The following LRP1B variants were observed in gnomAD, a reference collection of about 807,000 sequenced individuals.
The protein encoded by LRP1B is low-density lipoprotein receptor-related protein 1B.
In LRP1B, 217 loss-of-function variants were observed where a neutral mutation model predicts 556.6. The ratio of observed to expected loss-of-function variants is 0.39; its 90% CI spans 0.35 to 0.44. The LOEUF (loss-of-function observed/expected upper bound fraction) is 0.44. Ranked by LOEUF, LRP1B falls within the 20% of genes least tolerant of loss-of-function variation. The pLI, the probability that LRP1B is intolerant of heterozygous loss-of-function variation, is 1.00. For missense variants in LRP1B, 5,053 were observed against 5,620.8 expected (o/e 0.90, Z 3.23); for synonymous variants, 2,047 against 1,865.8 (o/e 1.10, Z -2.50).
intron 86 of LRP1B, among the ~76,000 whole-genome samples, chr2:140,261,427 C>T (rs534218476): frequency 6.6e-6 from 1 of 151,814 alleles, no homozygotes; most frequent in Non-Finnish European, 1.5e-5. Context: ...TATAATATTT[C>T]TAATTCTTAG....
chr2:141,183,424 T>C (rs1681096737), intron 7 of LRP1B, among the ~76,000 whole-genome samples: 1 of 151,420 alleles, frequency 6.6e-6, no homozygotes, highest in South Asian at 2.1e-4. Flanking sequence ...TCTCAGTCAT[T>C]ATTAGCTTCA....
intron 41 of LRP1B, among the ~76,000 whole-genome samples, chr2:140,677,725 A>T (rs1685719127): frequency 6.6e-6 from 1 of 151,486 alleles, no homozygotes; most frequent in African/African-American, 2.4e-5. Context: ...ATACAAAAAA[A>T]ACTAGCCAGG....
At chr2:141,591,065 G>C (rs1574114030) in intron 2 of LRP1B, among the ~76,000 whole-genome samples, 1 of 152,178 alleles carries the variant, frequency 6.6e-6, no homozygotes, top group East Asian at 1.9e-4. Context: ...CCTCCTGACT[G>C]TAATTATGAG....
chr2:141,244,327 C>G (rs889236674), intron 5 of LRP1B, among the ~76,000 whole-genome samples: 5 of 152,142 alleles, frequency 3.3e-5, no homozygotes, highest in Admixed American at 6.6e-5. Context: ...TCCACATATC[C>G]ATTGTCTTGG....
chr2:141,524,272 A>ATATATATATT (rs1436229854), intron 2 of LRP1B, among the ~76,000 whole-genome samples: 19 of 151,302 alleles, frequency 1.3e-4, no homozygotes, highest in Admixed American at 2.6e-4. Flanking sequence ...GAATATATAT[A>ATATATATATT]TATATATAAA....
intron 75 of LRP1B, among the ~76,000 whole-genome samples, chr2:140,355,550 A>AGT (rs1045206875): frequency 2.6e-5 from 4 of 151,976 alleles, no homozygotes; most frequent in African/African-American, 9.7e-5. Flanking sequence ...AAGTAGAATC[A>AGT]TTTTTCTTAA....
At chr2:141,410,914 T>C (rs1312651804) in intron 3 of LRP1B, among the ~76,000 whole-genome samples, 1 of 152,028 alleles carries the variant, frequency 6.6e-6, no homozygotes, top group East Asian at 1.9e-4. Context: ...ATGGTGCTCC[T>C]ATTCTTGCTA....
intron 1 of LRP1B, among the ~76,000 whole-genome samples, chr2:142,127,098 T>TA (rs1355786142): frequency 6.6e-6 from 1 of 151,932 alleles, no homozygotes; most frequent in Non-Finnish European, 1.5e-5. Context: ...TACCTTCACT[T>TA]ACATTTTTAA....
chr2:142,100,777 G>T (rs1327839987), intron 1 of LRP1B, among the ~76,000 whole-genome samples: 1 of 151,972 alleles, frequency 6.6e-6, no homozygotes, highest in Admixed American at 6.6e-5. Context: ...GATTCTTTAA[G>T]ATGATAATAA....
intron 66 of LRP1B, among the ~76,000 whole-genome samples, chr2:140,386,455 G>T (rs1002559608): frequency 6.6e-6 from 1 of 152,028 alleles, no homozygotes; most frequent in Non-Finnish European, 1.5e-5. Context: ...TCTCCCTAAG[G>T]AGCTCTTATT....
intron 60 of LRP1B, 124 bp downstream of exon 60, chr2:140,475,014 T>C (rs1467780672): frequency 5.5e-6 from 2 of 363,170 alleles, no homozygotes; most frequent in Non-Finnish European, 9.1e-6. Flanking sequence ...TATAAAGAAG[T>C]ATAATAATGT....
chr2:141,457,759 G>A (rs1364275682), intron 3 of LRP1B, among the ~76,000 whole-genome samples: 1 of 152,136 alleles, frequency 6.6e-6, no homozygotes, highest in Admixed American at 6.6e-5. Context: ...GGTGGTAACT[G>A]CAGTGGAGAG....
intron 7 of LRP1B, among the ~76,000 whole-genome samples, chr2:141,185,683 C>CAAAAAAAAAAAAAAAAAAAAA (rs148935362): frequency 2.0e-4 from 15 of 74,292 alleles, no homozygotes; most frequent in African/African-American, 5.8e-4. Context: ...GAAAAACAAA[C>CAAAAAAAAAAAAAAAAAAAAA]AAACAAAAAA....
chr2:140,896,080 T>C (rs10194679), intron 23 of LRP1B, among the ~76,000 whole-genome samples: 116,909 of 151,930 alleles, frequency 0.77, 46,620 homozygotes, highest in Non-Finnish European at 0.88. Context: ...TTCTACCCAG[T>C]ATTTCCCTGC....
intron 20 of LRP1B, among the ~76,000 whole-genome samples, chr2:140,946,854 C>T (rs982291909): frequency 6.6e-6 from 1 of 152,046 alleles, no homozygotes; most frequent in Non-Finnish European, 1.5e-5. Context: ...TAAAAAGGAA[C>T]AAATTATGTC....
At chr2:141,190,887 T>A (rs1574174081) in intron 6 of LRP1B, among the ~76,000 whole-genome samples, 1 of 151,928 alleles carries the variant, frequency 6.6e-6, no homozygotes, top group African/African-American at 2.4e-5. Context: ...TCCCTAACTT[T>A]CTCCTTTCCT....
intron 66 of LRP1B, among the ~76,000 whole-genome samples, chr2:140,418,630 T>C (rs2105261379): frequency 6.6e-6 from 1 of 151,828 alleles, no homozygotes; most frequent in South Asian, 2.1e-4. Context: ...CAGAGTACAC[T>C]GGATATAAGC....
chr2:142,034,144 T>C (rs574310082), intron 1 of LRP1B, among the ~76,000 whole-genome samples: 22 of 151,880 alleles, frequency 1.4e-4, no homozygotes, highest in Admixed American at 6.6e-4. Flanking sequence ...TGTAATATTT[T>C]TGTTCCCTTG....
Position 141,316,784 on chromosome 2 carries a change from G to T in LRP1B, c.344-62143C>A, listed in dbSNP as rs572119814. Among the ~76,000 whole-genome samples, 3 of 152,326 alleles carry T rather than the reference G, an allele frequency of 2.0e-5. No individual in the cohort carries two copies. In the East Asian group the frequency reaches 5.8e-4, roughly 29 times the overall value. On this transcript the variant is annotated intron_variant, in intron 3 of 90. Transcript: ENST00000389484. Reference sequence around the variant, plus strand: ...TGATGTGGCTTTCCCGCCATGGGGGGTGAGGTGGATAAGCACAGCCCCATA... The same window carrying T: ...TGATGTGGCTTTCCCGCCATGGGGGTTGAGGTGGATAAGCACAGCCCCATA...
Sources: gnomAD v4.1 joint callset for allele counts (sites outside exome capture counted in the v4.1 genomes callset) on GRCh38, gnomAD v4.1.1 for gene constraint, MANE v1.5 for transcripts, NCBI Gene and HGNC (gene_info 2026-07-23, HGNC 2026-07-21) for gene names.